MLXIPL: variants seen among roughly 807,000 people sequenced by gnomAD.
MLXIPL encodes the protein carbohydrate-responsive element-binding protein.
MLXIPL carries 49 observed loss-of-function variants against 81.5 expected under a neutral mutation model. The ratio of observed to expected loss-of-function variants is 0.60; its 90% CI spans 0.48 to 0.76. The LOEUF (loss-of-function observed/expected upper bound fraction) is 0.76. Among genes scored for constraint, MLXIPL ranks in the 30% least tolerant of loss-of-function variants. The pLI, the probability that MLXIPL is intolerant of heterozygous loss-of-function variation, is 0.00. For synonymous variants in MLXIPL, 466 were observed against 485.5 expected (o/e 0.96, Z 0.53); for missense variants, 1,053 against 1,167.0 (o/e 0.90, Z 1.42).
chr7:73,626,753 C>T (rs73137079), upstream of MLXIPL, among the ~76,000 whole-genome samples: 193 of 152,226 alleles, frequency 1.3e-3, no homozygotes, highest in Non-Finnish European at 1.9e-3. Flanking sequence ...CCAAGGATGT[C>T]CCTAGTGGGT....
In MLXIPL at chr7:73,596,063, G is replaced by C. The variant is rs1330390027; in HGVS notation, c.2058+90C>G. 1.9e-6 allele frequency: 3 copies of C among 1,598,528 alleles called. No homozygotes were observed. The highest frequency in any genetic ancestry group is 2.6e-6 in the Non-Finnish European group (3 of 1,175,440). Reference sequence around the variant, plus strand: ...GGATGGGAGGAGGCAAGAGTGTCTGGAGCACTCCCCTGCAATTGAGTTTTG... The same window carrying C: ...GGATGGGAGGAGGCAAGAGTGTCTGCAGCACTCCCCTGCAATTGAGTTTTG... On this transcript the variant is annotated intron_variant, in intron 13 of 16. Transcript: ENST00000313375. This position sits in a 1 kb window ranked among gnomAD's most constrained non-coding sequence, Gnocchi z 4.7.
At chr7:73,609,735 G>A (rs1554599378) in intron 2 of MLXIPL, 1 of 152,086 alleles carries the variant, frequency 6.6e-6, no homozygotes, top group Non-Finnish European at 1.5e-5. Flanking sequence ...GCAGTGGCAG[G>A]GATCTTGGGT....
chr7:73,607,563 T>C, intron 3 of MLXIPL, 27 bp downstream of exon 3: 1 of 1,609,314 alleles, frequency 6.2e-7, no homozygotes, highest in Non-Finnish European at 8.5e-7. Context: ...GGTGGGCAGG[T>C]GGGCAGGCGG....
chr7:73,615,902 G>C (rs1243471989), intron 2 of MLXIPL, among the ~76,000 whole-genome samples, 169 bp downstream of exon 2: 1 of 130,928 alleles, frequency 7.6e-6, no homozygotes, highest in Non-Finnish European at 1.6e-5. Flanking sequence ...AACAGAGCAA[G>C]ACTGTGTCTC....
the MLXIPL span, among the ~76,000 whole-genome samples, chr7:73,644,213 C>CT: frequency 0.032 from 4,703 of 145,516 alleles, 127 homozygotes; most frequent in Non-Finnish European, 0.039. Flanking sequence ...CTGGTTTTGT[C>CT]TTTTTTTTTT....
intron 8 of MLXIPL, among the ~76,000 whole-genome samples, chr7:73,598,247 C>T (rs1253922878): frequency 6.6e-6 from 1 of 152,082 alleles, no homozygotes; most frequent in Non-Finnish European, 1.5e-5. Context: ...ATTCACCTAC[C>T]TATTTATCAA....
At chr7:73,612,038 T>C (rs1219302167) in intron 2 of MLXIPL, among the ~76,000 whole-genome samples, 1 of 151,590 alleles carries the variant, frequency 6.6e-6, no homozygotes, top group Non-Finnish European at 1.5e-5. Flanking sequence ...AGATGAAGTT[T>C]GTCCTGGTAC....
the MLXIPL span, among the ~76,000 whole-genome samples, chr7:73,631,147 T>G: frequency 1.3e-5 from 2 of 151,988 alleles, no homozygotes; most frequent in Non-Finnish European, 2.9e-5. Context: ...TAGCTAGGAC[T>G]ACAGGTGCCC....
chr7:73,615,861 C>T (rs546458434), intron 2 of MLXIPL, among the ~76,000 whole-genome samples: 53 of 146,120 alleles, frequency 3.6e-4, no homozygotes, highest in Admixed American at 1.3e-3. Flanking sequence ...TGCAGTGAGC[C>T]GAGATGGCAC....
chr7:73,623,970 G>A lies in MLXIPL; in HGVS notation c.293+230C>T, dbSNP rs1201216189. ...CTTCGGGGAAGAGGGAATGGGGGAG[G>A]AATGGGAATCAGAAATGCGTGGGTC... On this transcript the variant is annotated intron_variant, in intron 1 of 16. Coordinates refer to ENST00000313375, the MANE Select transcript of MLXIPL (RefSeq NM_032951.3). This position sits in a 1 kb window ranked among gnomAD's most constrained non-coding sequence, Gnocchi z 5.7. Among the ~76,000 whole-genome samples the A allele has an allele frequency of 6.6e-6, 1 of 152,034 alleles. No individual in the cohort carries two copies. Among genetic ancestry groups the A allele is most frequent in the African/African-American group, 2.4e-5 (1 of 41,396 alleles).
chr7:73,634,145 T>C, the MLXIPL span, among the ~76,000 whole-genome samples: 13 of 152,258 alleles, frequency 8.5e-5, no homozygotes, highest in African/African-American at 2.6e-4. Context: ...GAACAAACCA[T>C]GAACGAAAAT....
At chr7:73,614,079 T>G (rs1220034168) in intron 2 of MLXIPL, among the ~76,000 whole-genome samples, 1 of 151,984 alleles carries the variant, frequency 6.6e-6, no homozygotes, top group Non-Finnish European at 1.5e-5. Flanking sequence ...CAATACAAAG[T>G]GGAAAGTTCT....
intron 7 of MLXIPL, among the ~76,000 whole-genome samples, chr7:73,601,774 C>A (rs1794843818): frequency 6.6e-6 from 1 of 152,100 alleles, no homozygotes; most frequent in Non-Finnish European, 1.5e-5. Context: ...TCAAGCGATC[C>A]TCCTGCTTTG....
chr7:73,639,160 CG>C, the MLXIPL span, among the ~76,000 whole-genome samples: 3 of 151,888 alleles, frequency 2.0e-5, no homozygotes, highest in Non-Finnish European at 4.4e-5. Context: ...TGGCTGCTTC[CG>C]GGGGAGGCTT....
chr7:73,634,063 T>A, the MLXIPL span, among the ~76,000 whole-genome samples: 1 of 152,152 alleles, frequency 6.6e-6, no homozygotes, highest in Non-Finnish European at 1.5e-5. Flanking sequence ...TCGAACTGTG[T>A]CTTTAACTGG....
At chr7:73,618,767 G>C (rs2116480848) in intron 1 of MLXIPL, among the ~76,000 whole-genome samples, 1 of 152,274 alleles carries the variant, frequency 6.6e-6, no homozygotes, top group Admixed American at 6.5e-5. Flanking sequence ...AGCTTCTTCT[G>C]TGGCACCTGG....
Position 73,605,668 on chromosome 7 carries a change from T to G in MLXIPL, c.901+20A>C. ...ACAGACCCTGCCCGTCCACCCGACC[T>G]GGGGAGGGGCTCGCCCCACCTGAGA... On this transcript the variant is annotated intron_variant, in intron 7 of 16. Transcript: ENST00000313375. 1 of 1,612,688 alleles carries G rather than the reference T, an allele frequency of 6.2e-7. No homozygotes were observed. Among genetic ancestry groups the G allele is most frequent in the Middle Eastern group, 1.8e-4 (1 of 5,408 alleles).
At chr7:73,620,706 C>G (rs1381103269) in intron 1 of MLXIPL, among the ~76,000 whole-genome samples, 1 of 151,112 alleles carries the variant, frequency 6.6e-6, no homozygotes, top group Non-Finnish European at 1.5e-5. Context: ...TGCGCCACTG[C>G]ACTCCAGCCT....
Position 73,596,230 on chromosome 7 carries a change from G to T in MLXIPL, c.1981C>A (p.Arg661=). Residue 661 remains arginine (R), a synonymous_variant, in exon 13 of 17, where the codon CGG becomes AGG. Transcript: ENST00000313375. The surrounding 1 kb of genome is among the most constrained non-coding windows in gnomAD (Gnocchi z 4.7). The part of the protein sequence containing the change: ...RITHISAEQK[R]RFNIKLGFDT... ...AACCCCAGCTTGATGTTGAAGCGCC[G>T]CTTCTGCTCCGCGGAGATGTGTGTG... 1.2e-6 allele frequency: 2 copies of T among 1,613,522 alleles called. No individual in the cohort carries two copies. The highest frequency in any genetic ancestry group is 1.7e-6 in the Non-Finnish European group (2 of 1,179,960).
Sources: gnomAD v4.1 joint callset for allele counts (sites outside exome capture counted in the v4.1 genomes callset) on GRCh38, gnomAD v4.1.1 for gene constraint, Gnocchi (gnomAD v3.1) non-coding constraint, MANE v1.5 for transcripts, NCBI Gene and HGNC (gene_info 2026-07-23, HGNC 2026-07-21) for gene names.